Variants in PKHD1L1 observed in about 807,000 individuals in gnomAD.
The protein encoded by PKHD1L1 is fibrocystin-L.
In PKHD1L1, 434 loss-of-function variants were observed where a neutral mutation model predicts 462.9. The ratio of observed to expected loss-of-function variants is 0.94; its 90% CI spans 0.87 to 1.02. PKHD1L1 has a LOEUF of 1.02. Among genes scored for constraint, PKHD1L1 ranks in the 50% least tolerant of loss-of-function variants. PKHD1L1 has a pLI of 0.00. For missense variants in PKHD1L1, 5,202 were observed against 5,096.1 expected, an observed-to-expected ratio of 1.02 and a Z score of -0.63; for synonymous variants, 1,781 against 1,750.0, an observed-to-expected ratio of 1.02 and a Z score of -0.44.
intron 16 of PKHD1L1, among the ~76,000 whole-genome samples, chr8:109,405,810 T>C (rs1024029312): frequency 6.6e-6 from 1 of 152,114 alleles, no homozygotes. Context: ...CGTTTACCTA[T>C]GTAACAAACA....
chr8:109,401,201 A>G lies in PKHD1L1; in HGVS notation c.1282-296A>G, dbSNP rs117737117. Among the ~76,000 whole-genome samples, 191 of 152,258 alleles carry G rather than the reference A, an allele frequency of 1.3e-3. 2 individuals are homozygous for G. In the East Asian group the frequency reaches 0.033, roughly 26 times the overall value. On this transcript the variant is annotated intron_variant, in intron 13 of 77. Coordinates refer to ENST00000378402, the MANE Select transcript of PKHD1L1 (RefSeq NM_177531.6). ...AATAACTACCTTTTTCCTGGTAAGT[A>G]TCTTCTTAGTTTCCACTGCAGTTCT... is the stretch of plus-strand genomic sequence containing the variant.
chr8:109,493,780 A>AACTAGGAAATAACTTGT (rs1417557211), intron 63 of PKHD1L1, 29 bp downstream of exon 63: 1 of 1,436,620 alleles, frequency 7.0e-7, no homozygotes, highest in African/African-American at 1.4e-5. Context: ...GAATCGCTAA[A>AACTAGGAAATAACTTGT]ACTAGGAAAT....
At chr8:109,412,512 A>G (rs1398227777) in intron 20 of PKHD1L1, 98 bp downstream of exon 20, 3 of 1,287,538 alleles carry the variant, frequency 2.3e-6, no homozygotes, top group Non-Finnish European at 3.1e-6. Flanking sequence ...TTGCCATATA[A>G]ATAGTATGTC....
At chr8:109,402,243 A>G (rs1422549649) in intron 14 of PKHD1L1, among the ~76,000 whole-genome samples, 1 of 152,194 alleles carries the variant, frequency 6.6e-6, no homozygotes, top group Non-Finnish European at 1.5e-5. Flanking sequence ...ACATCAAAAG[A>G]TGCATTTGCA....
intron 62 of PKHD1L1, 27 bp from the exon 63 acceptor site, chr8:109,493,634 A>G (rs1434339660): frequency 1.4e-6 from 2 of 1,432,826 alleles, no homozygotes; most frequent in South Asian, 1.2e-5. Flanking sequence ...CCTGATGCAC[A>G]GTATTTTTTT....
Position 109,479,748 on chromosome 8 carries a change from T to C in PKHD1L1, c.9178+109T>C, listed in dbSNP as rs368051232. The C allele has an allele frequency of 1.1e-4, 94 of 876,268 alleles. 1 individual carries two copies. In the East Asian group the frequency reaches 1.5e-3, roughly 14 times the overall value. The allele number at this position is 876,268 out of a possible 1,614,324, so 54.3% of individuals were successfully genotyped here. A position where few individuals can be genotyped will look rare whatever the true frequency, so the allele number is the denominator to read the frequency against. ...GCACACCTTTCCAAAAGAGCAAGTGTGGAGAAGTGGACTCTATTAATGCAT... is the reference window on the plus strand; with the variant it reads ...GCACACCTTTCCAAAAGAGCAAGTGCGGAGAAGTGGACTCTATTAATGCAT... On this transcript the variant is annotated intron_variant, in intron 54 of 77. Transcript: ENST00000378402.
chr8:109,375,976 C>T lies in PKHD1L1; in HGVS notation c.164-5394C>T, dbSNP rs181227762. The stretch of plus-strand genomic sequence containing the variant: ...GACCCACTTGAGGAGGCAGTCTGCC[C>T]ATTCTCTGATCTCAAGCTGCATGCT... On this transcript the variant is annotated intron_variant, in intron 2 of 77. Transcript: ENST00000378402. 4.8e-3 allele frequency among the ~76,000 whole-genome samples: 727 copies of T among 152,338 alleles called. 4 individuals carry two copies. The highest frequency in any genetic ancestry group is 0.022 in the South Asian group (107 of 4,826).
intron 18 of PKHD1L1, among the ~76,000 whole-genome samples, chr8:109,408,924 A>G (rs1813699450): frequency 6.6e-6 from 1 of 152,200 alleles, no homozygotes; most frequent in Admixed American, 6.5e-5. Context: ...CAAAGACAAG[A>G]GAAGGAAAGG....
chr8:109,404,946 G>GAT (rs1200281654), intron 15 of PKHD1L1, 49 bp from the exon 16 acceptor site: 2 of 1,256,224 alleles, frequency 1.6e-6, no homozygotes, highest in African/African-American at 1.5e-5. Flanking sequence ...ATGCTTTTAA[G>GAT]ATATATATAT....
At chr8:109,419,424 T>C (rs986154544) in intron 22 of PKHD1L1, among the ~76,000 whole-genome samples, 164 bp downstream of exon 22, 9 of 152,336 alleles carry the variant, frequency 5.9e-5, no homozygotes, top group African/African-American at 2.2e-4. Flanking sequence ...TAATGAATAG[T>C]GCAAAGTGAT....
intron 27 of PKHD1L1, among the ~76,000 whole-genome samples, chr8:109,431,998 T>C (rs1815130012): frequency 6.6e-6 from 1 of 152,308 alleles, no homozygotes; most frequent in East Asian, 1.9e-4. Context: ...ATTTTAACTA[T>C]TCCGATGGGT....
At chr8:109,365,389 T>TTA (rs1384377878) in intron 2 of PKHD1L1, among the ~76,000 whole-genome samples, 1 of 152,158 alleles carries the variant, frequency 6.6e-6, no homozygotes, top group South Asian at 2.1e-4. Context: ...AATTATTTTG[T>TTA]TATATAATGT....
chr8:109,457,815 T>G (rs2130807811), intron 46 of PKHD1L1, among the ~76,000 whole-genome samples: 1 of 152,292 alleles, frequency 6.6e-6, no homozygotes, highest in Middle Eastern at 3.4e-3. Flanking sequence ...TTTCACAACT[T>G]CTTTTCTAAA....
chr8:109,496,771 A>G lies in PKHD1L1; in HGVS notation c.10328-148A>G, dbSNP rs1586623732. The G allele has an allele frequency of 2.1e-5, 17 of 817,648 alleles. No homozygotes were observed. In the East Asian group the frequency reaches 4.5e-4, roughly 22 times the overall value. The allele number at this position is 817,648 out of a possible 1,614,324, so 50.6% of individuals were successfully genotyped here. On this transcript the variant is annotated intron_variant, in intron 63 of 77. Coordinates refer to ENST00000378402, the MANE Select transcript of PKHD1L1 (RefSeq NM_177531.6). ...AGAGTGAACCATAAATGGCAGAGCC[A>G]TAAAAATATTTGATCATATTAAACC...
At chr8:109,369,250 T>C (rs151276228) in intron 2 of PKHD1L1, among the ~76,000 whole-genome samples, 355 of 152,282 alleles carry the variant, frequency 2.3e-3, no homozygotes, top group African/African-American at 8.2e-3. Context: ...GTACTGGGAT[T>C]ACAGGCGTGA....
chr8:109,444,664 A>G lies in PKHD1L1; in HGVS notation c.4795A>G (p.Thr1599Ala), dbSNP rs1264791181. The change falls in exon 38 of 78, where the codon ACA (threonine) becomes GCA (alanine). Residue 1599 changes from threonine to alanine, a missense_variant. Thr to Ala is a moderately conservative substitution (Grantham distance 58). Coordinates refer to ENST00000378402, the MANE Select transcript of PKHD1L1 (RefSeq NM_177531.6). ...FSNLPWANKV[T>A]IGSYPCVVEE... is the part of the protein sequence containing the mutation. ...TTTGTATTCATTTTACTTACAGGTTACAATTGGTAGCTACCCCTGTGTCGT... is the reference window on the plus strand; with the variant it reads ...TTTGTATTCATTTTACTTACAGGTTGCAATTGGTAGCTACCCCTGTGTCGT... 4 of 1,609,716 alleles carry G rather than the reference A, an allele frequency of 2.5e-6. No homozygotes were observed. Among genetic ancestry groups the G allele is most frequent in the Non-Finnish European group, 1.7e-6 (2 of 1,176,888 alleles).
intron 42 of PKHD1L1, 78 bp downstream of exon 42, chr8:109,452,358 G>A: frequency 7.7e-7 from 1 of 1,291,764 alleles, no homozygotes; most frequent in African/African-American, 1.5e-5. Context: ...GGTAATTGTT[G>A]TTTTACTTTA....
chr8:109,415,526 G>T (rs1281466308), intron 21 of PKHD1L1, among the ~76,000 whole-genome samples: 1 of 152,136 alleles, frequency 6.6e-6, no homozygotes, highest in African/African-American at 2.4e-5. Flanking sequence ...ACTCTACCAG[G>T]AGGAAATCAG....
chr8:109,489,746 G>A (rs1219781861), intron 59 of PKHD1L1, among the ~76,000 whole-genome samples: 1 of 151,782 alleles, frequency 6.6e-6, no homozygotes, highest in East Asian at 1.9e-4. Context: ...GCGGGAGAGT[G>A]CAGGCTATTA....
Sources: allele counts gnomAD v4.1 joint callset (sites outside exome capture counted in the v4.1 genomes callset), GRCh38; gene constraint gnomAD v4.1.1; transcripts MANE v1.5; gene names NCBI Gene and HGNC (gene_info 2026-07-23, HGNC 2026-07-21).